UBE2W: variants seen among roughly 807,000 people sequenced by gnomAD.
The protein encoded by UBE2W is ubiquitin conjugating enzyme E2 W.
In UBE2W, 18 loss-of-function variants were observed where a neutral mutation model predicts 27.2. The ratio of observed to expected loss-of-function variants is 0.66; its 90% CI spans 0.46 to 0.98. The LOEUF (loss-of-function observed/expected upper bound fraction) is 0.98, where lower values mean the gene tolerates loss of function less well. UBE2W is among the 50% of genes least tolerant of loss of function. The pLI is 0.00. For synonymous variants in UBE2W, 53 were observed against 57.2 expected, an observed-to-expected ratio of 0.93 and a Z score of 0.33; for missense variants, 90 against 180.2, an observed-to-expected ratio of 0.50 and a Z score of 2.87.
At chr8:73,872,135 G>A (rs945091379) in intron 1 of UBE2W, among the ~76,000 whole-genome samples, 3 of 152,180 alleles carry the variant, frequency 2.0e-5, no homozygotes, top group African/African-American at 4.8e-5. Context: ...AAGGCCAGGC[G>A]CGGTGGCCAG....
At chr8:73,780,216 C>A in exon 5 of UBE2W, 1 of 177,516 alleles carries the variant, frequency 5.6e-6, no homozygotes, top group Non-Finnish European at 1.2e-5. Flanking sequence ...TTCCCTGCCT[C>A]TTCCAGCCTC....
At chr8:73,866,268 TA>T (rs10568367) in intron 1 of UBE2W, among the ~76,000 whole-genome samples, 757 of 42,204 alleles carry the variant, frequency 0.018, 21 homozygotes, top group African/African-American at 0.03. Context: ...AGACTTGGTC[TA>T]AAAAAAAAAA....
chr8:73,785,269 CCAAA>C (rs1474552315), downstream of UBE2W, among the ~76,000 whole-genome samples: 1 of 152,000 alleles, frequency 6.6e-6, no homozygotes, highest in Non-Finnish European at 1.5e-5. Context: ...CCTCAGCCTC[CCAAA>C]CAGTTGGGAT....
Position 73,792,266 on chromosome 8 carries a change from C to T in UBE2W, c.*1836G>A, listed in dbSNP as rs890012708. The T allele has an allele frequency of 1.4e-5, 14 of 985,328 alleles. No homozygotes were observed. Among genetic ancestry groups the T allele is most frequent in the East Asian group, 2.3e-4 (2 of 8,822 alleles). The allele number at this position is 985,328 out of a possible 1,614,324, so 61.0% of individuals were successfully genotyped here. A position where few individuals can be genotyped will look rare whatever the true frequency, so the allele number is the denominator to read the frequency against. ...TTATCTAGTCAAGATAGAACAAAAA[C>T]GGTTATAATTTTTTAAAAGTGGTAA... On this transcript the variant is annotated 3_prime_UTR_variant, in exon 6 of 6. Coordinates refer to ENST00000602593, the MANE Select transcript of UBE2W (RefSeq NM_018299.6).
chr8:73,800,692 C>T (rs545335935), intron 5 of UBE2W, among the ~76,000 whole-genome samples: 7 of 152,258 alleles, frequency 4.6e-5, no homozygotes, highest in Admixed American at 1.3e-4. Context: ...TGGTACTTCT[C>T]GGCTTACTTG....
intron 1 of UBE2W, among the ~76,000 whole-genome samples, chr8:73,877,721 G>C (rs138836581): frequency 6.6e-6 from 1 of 152,136 alleles, no homozygotes. Flanking sequence ...CCTATTGAGC[G>C]TTCTACTTTC....
At chr8:73,840,268 G>C (rs1267994328) in intron 1 of UBE2W, among the ~76,000 whole-genome samples, 6 of 151,092 alleles carry the variant, frequency 4.0e-5, no homozygotes, top group Admixed American at 4.0e-4. Flanking sequence ...ATGTTAGCCG[G>C]GATGGTCTCT....
intron 1 of UBE2W, among the ~76,000 whole-genome samples, chr8:73,850,321 GA>G (rs1471681613): frequency 2.6e-5 from 4 of 152,052 alleles, no homozygotes; most frequent in Admixed American, 1.3e-4. Flanking sequence ...AATCACTTTG[GA>G]ACAGGATGGC....
At chr8:73,873,759 C>A in intron 1 of UBE2W, among the ~76,000 whole-genome samples, 1 of 152,324 alleles carries the variant, frequency 6.6e-6, no homozygotes, top group Non-Finnish European at 1.5e-5. Context: ...TATTAAATCT[C>A]AACCTCCTTC....
At chr8:73,798,924 G>A (rs1224859207) in intron 5 of UBE2W, among the ~76,000 whole-genome samples, 2 of 151,190 alleles carry the variant, frequency 1.3e-5, no homozygotes, top group South Asian at 2.1e-4. Flanking sequence ...ATTTTGGTTA[G>A]GCTTGTTTTT....
At chr8:73,822,674 C>T (rs1212203612) in intron 3 of UBE2W, among the ~76,000 whole-genome samples, 5 of 144,668 alleles carry the variant, frequency 3.5e-5, no homozygotes, top group African/African-American at 1.3e-4. Flanking sequence ...GTCCCAGCTG[C>T]TTCGGAGGCT....
intron 4 of UBE2W, among the ~76,000 whole-genome samples, chr8:73,806,814 AAGAT>A (rs1241866773): frequency 1.3e-5 from 2 of 152,356 alleles, no homozygotes; most frequent in East Asian, 1.9e-4. Context: ...AATACCATCA[AAGAT>A]AGACCAGAAG....
intron 1 of UBE2W, chr8:73,870,345 G>C: frequency 6.5e-7 from 1 of 1,545,386 alleles, no homozygotes; most frequent in Non-Finnish European, 8.7e-7. Context: ...TGGTCATAAA[G>C]GAAATCTATT....
chr8:73,835,872 A>G (rs1354405844), intron 1 of UBE2W, among the ~76,000 whole-genome samples: 1 of 152,168 alleles, frequency 6.6e-6, no homozygotes, highest in African/African-American at 2.4e-5. Context: ...CATAGTGAGG[A>G]ACTGAAACCT....
downstream of UBE2W, among the ~76,000 whole-genome samples, chr8:73,782,243 G>A (rs772197368): frequency 4.6e-5 from 7 of 151,728 alleles, no homozygotes; most frequent in Non-Finnish European, 1.0e-4. Context: ...CACTGTGCCT[G>A]GCCAATTGTG....
chr8:73,808,862 G>A (rs1809027350), intron 4 of UBE2W, among the ~76,000 whole-genome samples: 1 of 152,174 alleles, frequency 6.6e-6, no homozygotes, highest in Non-Finnish European at 1.5e-5. Flanking sequence ...GTGAGGGTTA[G>A]AGGAAGATGA....
At chr8:73,799,484 A>T (rs1284668566) in intron 5 of UBE2W, among the ~76,000 whole-genome samples, 1 of 152,200 alleles carries the variant, frequency 6.6e-6, no homozygotes. Flanking sequence ...ATGTCAGCAG[A>T]GTCCTCCTCT....
intron 1 of UBE2W, chr8:73,870,210 AATTTT>A (rs1417905734): frequency 2.0e-6 from 3 of 1,534,588 alleles, no homozygotes; most frequent in African/African-American, 2.7e-5. Flanking sequence ...AATAGCTCAC[AATTTT>A]ATTTGACTAA....
At chr8:73,876,850 C>A (rs1812248323) in intron 1 of UBE2W, among the ~76,000 whole-genome samples, 1 of 152,080 alleles carries the variant, frequency 6.6e-6, no homozygotes, top group Admixed American at 6.6e-5. Flanking sequence ...GCCTGTAATC[C>A]CAGCTACTCA....
Sources: gnomAD v4.1 joint callset for allele counts (sites outside exome capture counted in the v4.1 genomes callset) on GRCh38, gnomAD v4.1.1 for gene constraint, MANE v1.5 for transcripts, NCBI Gene and HGNC (gene_info 2026-07-23, HGNC 2026-07-21) for gene names.